Variants in SRPK1 observed in about 807,000 individuals in gnomAD.
SRPK1 encodes SRSF protein kinase 1.
Under a neutral mutation model 89.5 loss-of-function variants are expected in SRPK1, and 52 were observed. The observed-to-expected ratio is 0.58, with a 90% confidence interval of 0.46 to 0.73. SRPK1 has a LOEUF of 0.73. Ranked by LOEUF, SRPK1 falls within the 30% of genes least tolerant of loss-of-function variation. The probability of loss-of-function intolerance (pLI) is 0.00; values close to 1 mark genes in which losing one functional copy is unlikely to be tolerated. For synonymous variants in SRPK1, 255 were observed against 270.2 expected, an observed-to-expected ratio of 0.94 and a Z score of 0.55; for missense variants, 603 against 780.6, an observed-to-expected ratio of 0.77 and a Z score of 2.71.
At position 35,899,100 on chromosome 6, in the gene SRPK1, G is replaced by A. The variant is rs186611009; in HGVS notation, c.75-8087C>T. Reference sequence around the variant, plus strand: ...CGCTTGAACCTGGGACGTGGAAGTTGTAGTGAGCTGGGATCGCACCACTGC... The same window carrying A: ...CGCTTGAACCTGGGACGTGGAAGTTATAGTGAGCTGGGATCGCACCACTGC... On this transcript the variant is annotated intron_variant, in intron 2 of 15. Coordinates refer to ENST00000373825, the MANE Select transcript of SRPK1 (RefSeq NM_003137.5). 2.9e-3 allele frequency among the ~76,000 whole-genome samples: 448 copies of A among 152,272 alleles called. 1 individual carries two copies. The highest frequency in any genetic ancestry group is 6.0e-3 in the African/African-American group (248 of 41,556).
intron 2 of SRPK1, among the ~76,000 whole-genome samples, chr6:35,902,248 A>G (rs9470165): frequency 0.022 from 3,239 of 150,510 alleles, 134 homozygotes; most frequent in African/African-American, 0.075. Context: ...AAAAAAAAAA[A>G]AAAAGAAAAA....
chr6:35,900,393 A>G (rs1448376582), intron 2 of SRPK1, among the ~76,000 whole-genome samples: 5 of 152,242 alleles, frequency 3.3e-5, no homozygotes, highest in African/African-American at 1.2e-4. Context: ...CATGTATTCA[A>G]CTTAGTTTTA....
intron 12 of SRPK1, 85 bp from the exon 13 acceptor site, chr6:35,857,453 ACT>A (rs1769688741): frequency 1.7e-6 from 2 of 1,148,886 alleles, no homozygotes; most frequent in East Asian, 2.6e-5. Flanking sequence ...ATGAAAATAA[ACT>A]CTCTGAAGTT....
chr6:35,871,728 C>A (rs990517104), intron 8 of SRPK1, among the ~76,000 whole-genome samples: 7 of 152,054 alleles, frequency 4.6e-5, no homozygotes, highest in Non-Finnish European at 7.4e-5. Flanking sequence ...AATCATAAAG[C>A]AGCCTTTATT....
chr6:35,863,900 G>A (rs1024886153), intron 12 of SRPK1, among the ~76,000 whole-genome samples: 4 of 152,096 alleles, frequency 2.6e-5, no homozygotes, highest in African/African-American at 9.7e-5. Context: ...CTTACCCTAA[G>A]TAGAAAGATC....
chr6:35,836,754 CAAT>C (rs10540061), intron 15 of SRPK1, among the ~76,000 whole-genome samples: 54,542 of 143,166 alleles, frequency 0.38, 11,042 homozygotes, highest in African/African-American at 0.53. Context: ...TACCCTGTCT[CAAT>C]AATAATAATA....
intron 2 of SRPK1, among the ~76,000 whole-genome samples, chr6:35,896,015 T>C (rs1477339323): frequency 1.3e-5 from 2 of 152,232 alleles, no homozygotes; most frequent in Non-Finnish European, 2.9e-5. Flanking sequence ...TCCTTTGTAA[T>C]ATCCTTTATT....
At chr6:35,907,966 A>G (rs1770886150) in intron 2 of SRPK1, among the ~76,000 whole-genome samples, 2 of 152,134 alleles carry the variant, frequency 1.3e-5, no homozygotes, top group African/African-American at 4.8e-5. Flanking sequence ...TCTCGCAGAC[A>G]TTCCCTCCTG....
chr6:35,903,041 C>G (rs985394599), intron 2 of SRPK1, among the ~76,000 whole-genome samples: 1 of 151,210 alleles, frequency 6.6e-6, no homozygotes, highest in African/African-American at 2.4e-5. Flanking sequence ...CACTTTGGGA[C>G]GCCAAGGTGA....
At position 35,869,604 on chromosome 6, in the gene SRPK1, G is replaced by C; in HGVS notation, c.1289C>G (p.Ser430Cys). Reference sequence around the variant, plus strand: ...ACTGAATGACTGACCTACAGTTGAGGAAGACTGGCACACCATGGTGTCTGA... The same window carrying C: ...ACTGAATGACTGACCTACAGTTGAGCAAGACTGGCACACCATGGTGTCTGA... ...EVSDTMVCQS[S>C]STVGQSFSEQ... is the part of the protein sequence containing the mutation. The change falls in exon 11 of 16, where the codon TCC (serine) becomes TGC (cysteine). Residue 430 changes from serine (S) to cysteine (C), a missense_variant. By Grantham distance (112) the Ser-to-Cys change is moderately radical (BLOSUM62 -1). Transcript: ENST00000373825. 6.2e-7 allele frequency: 1 copy of C among 1,613,954 alleles called. No homozygotes were observed. The highest frequency in any genetic ancestry group is 8.5e-7 in the Non-Finnish European group (1 of 1,179,886).
intron 13 of SRPK1, among the ~76,000 whole-genome samples, chr6:35,843,880 A>G (rs959787028): frequency 3.0e-4 from 46 of 152,286 alleles, no homozygotes; most frequent in African/African-American, 1.1e-3. Flanking sequence ...AAAACCTCTT[A>G]CAGTGCTCGA....
chr6:35,869,886 A>G lies in SRPK1; in HGVS notation c.1007T>C (p.Ile336Thr), dbSNP rs377019595. Residue 336 changes from isoleucine (I) to threonine (T), a missense_variant, in exon 11 of 16, where the codon ATT becomes ACT. Transcript: ENST00000373825. ...TQEKLEESSTIGQDQTLMERD... is the reference protein window; with the variant it reads ...TQEKLEESSTTGQDQTLMERD... The stretch of plus-strand genomic sequence containing the variant: ...TTCCATAAGCGTTTGATCCTGGCCA[A>G]TGGTACTTGACTCTTCTAAGGAACA... 36 of 1,572,668 alleles carry G rather than the reference A, an allele frequency of 2.3e-5. No individual in the cohort carries two copies. The African/African-American group carries it at 2.3e-4, about 10-fold the overall frequency.
In SRPK1 at chr6:35,857,379, G is replaced by A. The variant is rs750849022; in HGVS notation, c.1513-11C>T. On this transcript the variant is annotated splice_polypyrimidine_tract_variant and intron_variant, in intron 12 of 15. Transcript: ENST00000373825. ...AGTGAAATGTTTGTGCTGAGAAAAT[G>A]AAGGAAACAATATTTTAAACTTCAT... The A allele has an allele frequency of 1.8e-5, 29 of 1,578,840 alleles. No homozygotes were observed. Among genetic ancestry groups the A allele is most frequent in the Non-Finnish European group, 2.3e-5 (27 of 1,155,312 alleles).
chr6:35,865,846 G>A (rs1399341018), intron 12 of SRPK1, among the ~76,000 whole-genome samples: 2 of 151,700 alleles, frequency 1.3e-5, no homozygotes, highest in Non-Finnish European at 2.9e-5. Context: ...AAGACCTCAG[G>A]CAACAAAAAT....
intron 2 of SRPK1, among the ~76,000 whole-genome samples, chr6:35,917,561 T>G (rs1771138375): frequency 6.6e-6 from 1 of 152,110 alleles, no homozygotes; most frequent in Non-Finnish European, 1.5e-5. Context: ...AGTCAAATAC[T>G]CCAGCACAGT....
chr6:35,839,506 C>T (rs75816798), intron 14 of SRPK1, among the ~76,000 whole-genome samples: 4,951 of 152,184 alleles, frequency 0.033, 95 homozygotes, highest in Middle Eastern at 0.065. Context: ...AGTATAGCTG[C>T]TTGATGATCT....
intron 12 of SRPK1, among the ~76,000 whole-genome samples, chr6:35,859,014 TAC>T (rs556287228): frequency 2.0e-5 from 3 of 152,084 alleles, no homozygotes; most frequent in Non-Finnish European, 4.4e-5. Flanking sequence ...TGATCAACAG[TAC>T]AAAGAAAACT....
intron 15 of SRPK1, among the ~76,000 whole-genome samples, chr6:35,836,025 T>C (rs960686178): frequency 6.6e-6 from 1 of 152,144 alleles, no homozygotes; most frequent in Non-Finnish European, 1.5e-5. Context: ...ATATACTCTA[T>C]ACCAGGGGTC....
chr6:35,838,360 G>T lies in SRPK1; in HGVS notation c.1760C>A (p.Ser587Tyr). 1.3e-6 allele frequency: 2 copies of T among 1,576,052 alleles called. No homozygotes were observed. The highest frequency in any genetic ancestry group is 1.2e-5 in the South Asian group (1 of 83,004). ...PRKLIVAGKY[S>Y]KEFFTKKGDL... Reference sequence around the variant, plus strand: ...ACCTTTTTTGGTGAAAAATTCCTTGGAATATTTTCCTGCCACAATGAGCTT... The same window carrying T: ...ACCTTTTTTGGTGAAAAATTCCTTGTAATATTTTCCTGCCACAATGAGCTT... Residue 587 changes from serine to tyrosine, a missense_variant, in exon 15 of 16, where the codon TCC becomes TAC. Coordinates refer to ENST00000373825, the MANE Select transcript of SRPK1 (RefSeq NM_003137.5).
Sources: gnomAD v4.1 joint callset for allele counts (sites outside exome capture counted in the v4.1 genomes callset) on GRCh38, gnomAD v4.1.1 for gene constraint, MANE v1.5 for transcripts, NCBI Gene and HGNC (gene_info 2026-07-23, HGNC 2026-07-21) for gene names.